ZNF862: variants seen among roughly 807,000 people sequenced by gnomAD.
The protein encoded by ZNF862 is zinc finger protein 862.
Under a neutral mutation model 91.1 loss-of-function variants are expected in ZNF862, and 64 were observed. The observed-to-expected ratio is 0.70, with a 90% CI of 0.57 to 0.87. The LOEUF is 0.87. Among genes scored for constraint, ZNF862 ranks in the 40% least tolerant of loss-of-function variants. ZNF862 has a pLI of 0.00. For missense variants in ZNF862, 1,459 were observed against 1,528.0 expected, an observed-to-expected ratio of 0.95 and a Z score of 0.75; for synonymous variants, 631 against 618.1, an observed-to-expected ratio of 1.02 and a Z score of -0.31.
In ZNF862 at chr7:149,855,327, G is replaced by A. The variant is rs1418360808; in HGVS notation, c.1118-4095G>A. Among the ~76,000 whole-genome samples, 1 of 152,172 alleles carries A rather than the reference G, an allele frequency of 6.6e-6. No homozygotes were observed. Among genetic ancestry groups the A allele is most frequent in the African/African-American group, 2.4e-5 (1 of 41,440 alleles). The stretch of plus-strand genomic sequence containing the variant: ...GAAACAAAAGCCCCGTCTCTGTGTA[G>A]TAGTAGAAAATCTGGACTTCATTTA... On this transcript the variant is annotated intron_variant, in intron 5 of 7. Transcript: ENST00000223210. The surrounding 1 kb of genome is among the most constrained non-coding windows in gnomAD (Gnocchi z 4.1).
Position 149,838,629 on chromosome 7 carries a change from G to T in ZNF862, c.18G>T (p.Ser6=), listed in dbSNP as rs1039705694. The T allele has an allele frequency of 1.6e-6, 2 of 1,227,994 alleles. No homozygotes were observed. Among genetic ancestry groups the T allele is most frequent in the Non-Finnish European group, 2.0e-6 (2 of 980,384 alleles). The allele number at this position is 1,227,994 out of a possible 1,614,324, so 76.1% of individuals were successfully genotyped here. A position where few individuals can be genotyped will look rare whatever the true frequency, so the allele number is the denominator to read the frequency against. The change falls in exon 1 of 8, where the codon TCG becomes TCT. Residue 6 remains serine, a synonymous_variant. Transcript: ENST00000223210. ...GCGGGGCCATGGAGCCCAGAGAGTC[G>T]GGGAAGGTAGGACTGGAAGGCCCGG... MEPRE[S]GKAPVTFDDI...
At chr7:149,863,938 G>C (rs576970601) in intron 7 of ZNF862, among the ~76,000 whole-genome samples, 171 bp from the exon 8 acceptor site, 2 of 152,360 alleles carry the variant, frequency 1.3e-5, no homozygotes, top group South Asian at 4.1e-4. Context: ...CCTATCTCAG[G>C]ATAAAAGAAT....
At chr7:149,841,296 T>G (rs1274748052) in intron 1 of ZNF862, 3 of 985,316 alleles carry the variant, frequency 3.0e-6, no homozygotes, top group Non-Finnish European at 3.6e-6. Context: ...GTGGTCTTTA[T>G]TAACTGACAG....
chr7:149,842,271 G>GGA (rs1356537660), intron 1 of ZNF862, among the ~76,000 whole-genome samples: 1 of 152,210 alleles, frequency 6.6e-6, no homozygotes, highest in Non-Finnish European at 1.5e-5. Context: ...TCTGGCTGGA[G>GGA]GAGACATTCC....
rs750290228 is a variant in ZNF862, at chr7:149,861,828, G to C, written c.2668G>C (p.Glu890Gln). 7 of 1,613,740 alleles carry C rather than the reference G, an allele frequency of 4.3e-6. No individual in the cohort carries two copies. Among genetic ancestry groups the C allele is most frequent in the Non-Finnish European group, 5.1e-6 (6 of 1,179,896 alleles). Residue 890 changes from glutamate (E) to glutamine (Q), a missense_variant, in exon 7 of 8, where the codon GAG becomes CAG. Physicochemically the swap from Glu to Gln is conservative, Grantham distance 29. Coordinates refer to ENST00000223210, the MANE Select transcript of ZNF862 (RefSeq NM_001099220.3). The surrounding 1 kb of genome is among the most constrained non-coding windows in gnomAD (Gnocchi z 6.7). ...ESLRHQAGPK[E>Q]EEFNASFKDG... ...CCTCCGTCACCAGGCAGGGCCCAAA[G>C]AGGAAGAATTCAACGCCAGCTTCAA...
In ZNF862 at chr7:149,865,382, G is replaced by T. The variant is rs144420486; in HGVS notation, c.*1098G>T. 9.8e-5 allele frequency: 15 copies of T among 152,290 alleles called. No individual in the cohort carries two copies. Among genetic ancestry groups the T allele is most frequent in the African/African-American group, 2.4e-4 (10 of 41,534 alleles). 9.4% of individuals were successfully genotyped at this position (152,290 alleles called of 1,614,324 possible). A position where few individuals can be genotyped will look rare whatever the true frequency, so the allele number is the denominator to read the frequency against. On this transcript the variant is annotated 3_prime_UTR_variant, in exon 8 of 8. Coordinates refer to ENST00000223210, the MANE Select transcript of ZNF862 (RefSeq NM_001099220.3). Reference sequence around the variant, plus strand: ...GGGACTCTGCACCAGGATCTCCAGGGCCCACTGAGACATCCCCGAATGGGC... The same window carrying T: ...GGGACTCTGCACCAGGATCTCCAGGTCCCACTGAGACATCCCCGAATGGGC...
At chr7:149,852,374 A>T (rs112427463) in intron 5 of ZNF862, among the ~76,000 whole-genome samples, 15,991 of 46,416 alleles carry the variant, frequency 0.34, 1,131 homozygotes, top group African/African-American at 0.41. Context: ...TGTGTGTGTG[A>T]GAGAGAGAGA....
At chr7:149,856,475 A>G (rs899619508) in intron 5 of ZNF862, 1 of 150,328 alleles carries the variant, frequency 6.7e-6, no homozygotes. Flanking sequence ...TCATTGTCGG[A>G]CTCTTCCCCC....
In ZNF862 at chr7:149,861,538, G is replaced by A; in HGVS notation, c.2378G>A (p.Arg793Lys). The change falls in exon 7 of 8, where the codon AGG becomes AAG. Residue 793 changes from arginine to lysine, a missense_variant. Physicochemically the swap from Arg to Lys is conservative, Grantham distance 26. Coordinates refer to ENST00000223210, the MANE Select transcript of ZNF862 (RefSeq NM_001099220.3). This position sits in a 1 kb window ranked among gnomAD's most constrained non-coding sequence, Gnocchi z 6.7. Reference sequence around the variant, plus strand: ...AATGCGGTCCGCTGGGTGGCCAGCAGGAGGCGCACGCTGCACGCGCTGCTC... The same window carrying A: ...AATGCGGTCCGCTGGGTGGCCAGCAAGAGGCGCACGCTGCACGCGCTGCTC... ...DLNAVRWVASRRRTLHALLVS... is the reference protein window; with the variant it reads ...DLNAVRWVASKRRTLHALLVS... 1 of 1,603,494 alleles carries A rather than the reference G, an allele frequency of 6.2e-7. No homozygotes were observed. Among genetic ancestry groups the A allele is most frequent in the East Asian group, 2.2e-5 (1 of 44,500 alleles).
At position 149,848,209 on chromosome 7, in the gene ZNF862, G is replaced by T; in HGVS notation, c.716G>T (p.Cys239Phe). The T allele has an allele frequency of 6.2e-7, 1 of 1,613,982 alleles. No homozygotes were observed. Among genetic ancestry groups the T allele is most frequent in the South Asian group, 1.1e-5 (1 of 91,064 alleles). The change falls in exon 4 of 8, where the codon TGC (cysteine) becomes TTC (phenylalanine). Residue 239 changes from cysteine to phenylalanine, a missense_variant. Coordinates refer to ENST00000223210, the MANE Select transcript of ZNF862 (RefSeq NM_001099220.3). ...ASPEPLFTADCPIFYPPGPLG... is the reference protein window; with the variant it reads ...ASPEPLFTADFPIFYPPGPLG... Reference sequence around the variant, plus strand: ...CCGGAGCCGCTCTTCACTGCAGATTGCCCCATATTCTACCCCCCAGGGCCT... The same window carrying T: ...CCGGAGCCGCTCTTCACTGCAGATTTCCCCATATTCTACCCCCCAGGGCCT...
At chr7:149,852,361 G>GTT (rs778087860) in intron 5 of ZNF862, among the ~76,000 whole-genome samples, 2 of 137,490 alleles carry the variant, frequency 1.5e-5, no homozygotes, top group Non-Finnish European at 3.3e-5. Context: ...GTGTGTGTGT[G>GTT]TGTGTGTGTG....
intron 1 of ZNF862, chr7:149,841,507 C>T (rs1163453210): frequency 4.1e-6 from 4 of 982,828 alleles, no homozygotes; most frequent in Admixed American, 1.2e-4. Flanking sequence ...TTGACTCTTA[C>T]ATCCCCAGCT....
At position 149,861,044 on chromosome 7, in the gene ZNF862, G is replaced by A. The variant is rs1802462435; in HGVS notation, c.1884G>A (p.Leu628=). The change falls in exon 7 of 8, where the codon CTG becomes CTA. Residue 628 remains leucine (L), a synonymous_variant. Transcript: ENST00000223210. The surrounding 1 kb of genome is among the most constrained non-coding windows in gnomAD (Gnocchi z 6.7). ...VRNSPCVSVL[L]DSSTDASEQA... is the part of the protein sequence containing the mutation. ...ACTCGCCCTGTGTGAGCGTGCTGCTGGACAGCTCCACCGACGCCTCCGAGC... is the reference window on the plus strand; with the variant it reads ...ACTCGCCCTGTGTGAGCGTGCTGCTAGACAGCTCCACCGACGCCTCCGAGC... 1 of 1,612,756 alleles carries A rather than the reference G, an allele frequency of 6.2e-7. No homozygotes were observed. The highest frequency in any genetic ancestry group is 8.5e-7 in the Non-Finnish European group (1 of 1,179,712).
rs1802752599 is a variant in ZNF862 at position 149,866,964 on chromosome 7, A to G, written c.*2680A>G. On this transcript the variant is annotated 3_prime_UTR_variant, in exon 8 of 8. Coordinates refer to ENST00000223210, the MANE Select transcript of ZNF862 (RefSeq NM_001099220.3). ...TTTATGCCTCACAAGAAGAAAAACCACAGGGCTCTGGGAGGGGAAGAAGCA... is the reference window on the plus strand; with the variant it reads ...TTTATGCCTCACAAGAAGAAAAACCGCAGGGCTCTGGGAGGGGAAGAAGCA... 1 of 152,028 alleles carries G rather than the reference A, an allele frequency of 6.6e-6. No homozygotes were observed. The highest frequency in any genetic ancestry group is 1.5e-5 in the Non-Finnish European group (1 of 68,016). The allele number at this position is 152,028 out of a possible 1,614,324, so 9.4% of individuals were successfully genotyped here. A position where few individuals can be genotyped will look rare whatever the true frequency, so the allele number is the denominator to read the frequency against.
At position 149,848,094 on chromosome 7, in the gene ZNF862, T is replaced by C. The variant is rs1168351185; in HGVS notation, c.601T>C (p.Phe201Leu). ...CCACGCGAAGAGCAAGGCCCACATG[T>C]TCTGTGTCAATGCCTTGGCAGCGAG... is the stretch of plus-strand genomic sequence containing the variant. ...KYHAKSKAHMFCVNALAARDP... is the reference protein window; with the variant it reads ...KYHAKSKAHMLCVNALAARDP... The change falls in exon 4 of 8, where the codon TTC becomes CTC. Residue 201 changes from phenylalanine (F) to leucine (L), a missense_variant. By Grantham distance (22) the Phe-to-Leu change is conservative. Coordinates refer to ENST00000223210, the MANE Select transcript of ZNF862 (RefSeq NM_001099220.3). 6.2e-7 allele frequency: 1 copy of C among 1,614,034 alleles called. No homozygotes were observed. The highest frequency in any genetic ancestry group is 1.3e-5 in the African/African-American group (1 of 75,052).
At position 149,846,214 on chromosome 7, in the gene ZNF862, G is replaced by A. The variant is rs1801866614; in HGVS notation, c.200G>A (p.Gly67Asp). Residue 67 changes from glycine (G) to aspartate (D), a missense_variant, in exon 3 of 8, where the codon GGC (glycine) becomes GAC (aspartate). Coordinates refer to ENST00000223210, the MANE Select transcript of ZNF862 (RefSeq NM_001099220.3). Reference protein sequence around the residue: ...KFGRGPEPWLGSVQGQRSLLE... With the variant: ...KFGRGPEPWLDSVQGQRSLLE... ...GGACGAGGGCCAGAGCCATGGCTTG[G>A]CAGCGTCCAGGGCCAGAGGAGCCTT... The A allele has an allele frequency of 1.9e-6, 3 of 1,613,672 alleles. No individual in the cohort carries two copies. Among genetic ancestry groups the A allele is most frequent in the Admixed American group, 1.7e-5 (1 of 59,992 alleles).
At chr7:149,852,779 A>G (rs1228381588) in intron 5 of ZNF862, 5 of 152,218 alleles carry the variant, frequency 3.3e-5, no homozygotes, top group Non-Finnish European at 7.3e-5. Flanking sequence ...ACAGGCCAAC[A>G]TAGGGACTAT....
chr7:149,838,680 C>T, intron 1 of ZNF862, 45 bp downstream of exon 1: 1 of 1,188,908 alleles, frequency 8.4e-7, no homozygotes, highest in Non-Finnish European at 1.1e-6. Flanking sequence ...TCCCGAGGAT[C>T]CCCGAGCCGG....
intron 4 of ZNF862, 147 bp downstream of exon 4, chr7:149,848,579 A>G (rs1348175393): frequency 4.6e-6 from 3 of 658,640 alleles, no homozygotes; most frequent in Non-Finnish European, 7.2e-6. Context: ...CATGCTTATC[A>G]TGGACTAGGC....
Sources: gnomAD v4.1 joint callset for allele counts (sites outside exome capture counted in the v4.1 genomes callset) on GRCh38, gnomAD v4.1.1 for gene constraint, Gnocchi (gnomAD v3.1) non-coding constraint, MANE v1.5 for transcripts, NCBI Gene and HGNC (gene_info 2026-07-23, HGNC 2026-07-21) for gene names.